ATP11B: variants seen among roughly 807,000 people sequenced by gnomAD.
The protein encoded by ATP11B is phospholipid-transporting ATPase IF.
In ATP11B, 81 loss-of-function variants were observed where a neutral mutation model predicts 157.8. The observed-to-expected ratio is 0.51, with a 90% CI of 0.43 to 0.62. ATP11B has a LOEUF of 0.62. Among genes scored for constraint, ATP11B ranks in the 20% least tolerant of loss-of-function variants. The pLI is 0.00. For missense variants in ATP11B, 1,165 were observed against 1,402.2 expected (o/e 0.83, Z 2.70); for synonymous variants, 451 against 469.4 (o/e 0.96, Z 0.51).
intron 1 of ATP11B, among the ~76,000 whole-genome samples, chr3:182,812,732 A>G (rs1010392419): frequency 6.6e-6 from 1 of 152,232 alleles, no homozygotes; most frequent in East Asian, 1.9e-4. Context: ...TACATAATAT[A>G]AAAGTTACCA....
chr3:182,857,803 A>C, intron 10 of ATP11B, 75 bp from the exon 11 acceptor site: 5 of 902,162 alleles, frequency 5.5e-6, no homozygotes, highest in Non-Finnish European at 8.6e-6. Flanking sequence ...TCTCTAATAC[A>C]AGTACTAATT....
chr3:182,829,733 C>T lies in ATP11B; in HGVS notation c.296C>T (p.Thr99Ile), dbSNP rs1449267589. The T allele has an allele frequency of 6.2e-7, 1 of 1,606,550 alleles. No individual in the cohort carries two copies. The highest frequency in any genetic ancestry group is 8.5e-7 in the Non-Finnish European group (1 of 1,175,496). The part of the protein sequence containing the change: ...TSGLPLFFVI[T>I]VTAIKQGYED... ...GGACTTCCATTATTCTTTGTGATAA[C>T]AGTAACTGCCATAAAGCAGGTATGA... Residue 99 changes from threonine to isoleucine, a missense_variant, in exon 4 of 30, where the codon ACA becomes ATA. Coordinates refer to ENST00000323116, the MANE Select transcript of ATP11B (RefSeq NM_014616.3).
intron 2 of ATP11B, among the ~76,000 whole-genome samples, chr3:182,823,427 A>G (rs1033342745): frequency 6.6e-6 from 1 of 151,810 alleles, no homozygotes. Flanking sequence ...ATGGTTGTAG[A>G]TGTGTGGTAT....
chr3:182,843,662 G>A (rs759367954), intron 8 of ATP11B: 2 of 152,166 alleles, frequency 1.3e-5, no homozygotes, highest in Non-Finnish European at 2.9e-5. Context: ...ATATGATTAC[G>A]TTGTTACTCA....
intron 28 of ATP11B, among the ~76,000 whole-genome samples, chr3:182,912,090 G>T (rs1426883062): frequency 6.6e-6 from 1 of 152,140 alleles, no homozygotes; most frequent in Non-Finnish European, 1.5e-5. Flanking sequence ...TATCCTTTGA[G>T]CATGTAGGAG....
chr3:182,805,326 G>A (rs1246066667), intron 1 of ATP11B, among the ~76,000 whole-genome samples: 1 of 152,068 alleles, frequency 6.6e-6, no homozygotes, highest in Admixed American at 6.5e-5. Flanking sequence ...ATCCTAGTGG[G>A]TATGAATAGT....
chr3:182,823,932 G>A (rs1717546040), intron 2 of ATP11B, among the ~76,000 whole-genome samples: 1 of 151,900 alleles, frequency 6.6e-6, no homozygotes, highest in African/African-American at 2.4e-5. Flanking sequence ...CCATAATCAA[G>A]ATGTGGAATA....
rs1176820868 is a variant in ATP11B, at chr3:182,913,850, A to C, written c.3319-11A>C. On this transcript the variant is annotated splice_polypyrimidine_tract_variant and intron_variant, in intron 28 of 29. Transcript: ENST00000323116. ...TTAAACAACTGATGTTTTCTGCTTC[A>C]CCTCCCGCAGCTTACTGAAACAAAT... 1.2e-6 allele frequency: 2 copies of C among 1,613,770 alleles called. No homozygotes were observed. The highest frequency in any genetic ancestry group is 1.7e-6 in the Non-Finnish European group (2 of 1,179,868).
intron 25 of ATP11B, among the ~76,000 whole-genome samples, chr3:182,891,414 A>T (rs865998974): frequency 5.9e-5 from 9 of 152,298 alleles, no homozygotes; most frequent in Middle Eastern, 3.4e-3. Context: ...TATTACTTTT[A>T]TTATTTTTAC....
intron 28 of ATP11B, among the ~76,000 whole-genome samples, chr3:182,899,885 C>CATA (rs1553822012): frequency 2.0e-5 from 3 of 151,652 alleles, no homozygotes; most frequent in African/African-American, 4.9e-5. Context: ...TTAACTCTAT[C>CATA]GTATTGGATA....
intron 14 of ATP11B, among the ~76,000 whole-genome samples, chr3:182,866,816 T>C (rs1721269636): frequency 6.8e-6 from 1 of 146,500 alleles, no homozygotes; most frequent in Non-Finnish European, 1.5e-5. Flanking sequence ...TATATATTTT[T>C]ATATACATTT....
rs183863204 is a variant in ATP11B at position 182,871,770 on chromosome 3, T to C, written c.1867-586T>C. ...TAATAGGATAGTCTTTATGATCTAT[T>C]CTAGGCTCTAATATTCTACAATTCA... On this transcript the variant is annotated intron_variant, in intron 17 of 29. Coordinates refer to ENST00000323116, the MANE Select transcript of ATP11B (RefSeq NM_014616.3). Among the ~76,000 whole-genome samples the C allele has an allele frequency of 4.5e-4, 68 of 152,282 alleles. 1 individual carries two copies. The East Asian group carries it at 0.01, about 22-fold the overall frequency.
At chr3:182,881,181 A>T (rs1395627049) in intron 21 of ATP11B, among the ~76,000 whole-genome samples, 200 bp downstream of exon 21, 1 of 152,218 alleles carries the variant, frequency 6.6e-6, no homozygotes, top group East Asian at 1.9e-4. Context: ...CACGCCTGTA[A>T]TCCCAGCACT....
intron 29 of ATP11B, chr3:182,914,816 TGTTAGGGG>T: frequency 1.0e-6 from 1 of 985,350 alleles, no homozygotes; most frequent in South Asian, 4.7e-5. Context: ...ATTTAGAGGA[TGTTAGGGG>T]GTAGAAAGAG....
At chr3:182,884,726 A>C in intron 21 of ATP11B, 27 bp from the exon 22 acceptor site, 2 of 1,569,474 alleles carry the variant, frequency 1.3e-6, no homozygotes, top group Non-Finnish European at 1.7e-6. Flanking sequence ...TTATCAGTGA[A>C]CATGTCTTTT....
chr3:182,879,924 A>C (rs888423345), intron 20 of ATP11B, among the ~76,000 whole-genome samples: 2 of 152,234 alleles, frequency 1.3e-5, no homozygotes, highest in Non-Finnish European at 2.9e-5. Context: ...ATGTTTCGCA[A>C]GTTAGCTACT....
At chr3:182,869,879 A>G (rs1442257363) in intron 17 of ATP11B, among the ~76,000 whole-genome samples, 2 of 152,380 alleles carry the variant, frequency 1.3e-5, no homozygotes, top group East Asian at 3.8e-4. Context: ...ACAAGTGGAT[A>G]GGCAAAATGT....
intron 28 of ATP11B, among the ~76,000 whole-genome samples, chr3:182,907,201 AT>A (rs1724431766): frequency 6.6e-6 from 1 of 152,196 alleles, no homozygotes; most frequent in Non-Finnish European, 1.5e-5. Context: ...TATGCAGAAT[AT>A]TTGGATTGGT....
At chr3:182,803,357 T>A (rs1716129949) in intron 1 of ATP11B, among the ~76,000 whole-genome samples, 1 of 152,198 alleles carries the variant, frequency 6.6e-6, no homozygotes, top group African/African-American at 2.4e-5. Flanking sequence ...GATTGCCCGT[T>A]TTCCATTGGG....
Sources: allele counts gnomAD v4.1 joint callset (sites outside exome capture counted in the v4.1 genomes callset), GRCh38; gene constraint gnomAD v4.1.1; transcripts MANE v1.5; gene names NCBI Gene and HGNC (gene_info 2026-07-23, HGNC 2026-07-21).